Variants in PPP2R2B observed in about 807,000 individuals in gnomAD.
PPP2R2B encodes the protein serine/threonine-protein phosphatase 2A 55 kDa regulatory subunit B beta isoform.
A neutral mutation model predicts 46.0 loss-of-function variants in PPP2R2B; 5 were observed. The observed-to-expected ratio is 0.11, with a 90% confidence interval of 0.06 to 0.23. PPP2R2B has a LOEUF of 0.23. Among genes scored for constraint, PPP2R2B ranks in the 10% least tolerant of loss-of-function variants. The probability of loss-of-function intolerance (pLI) is 1.00; values close to 1 mark genes in which losing one functional copy is unlikely to be tolerated. For synonymous variants in PPP2R2B, 215 were observed against 206.7 expected (o/e 1.04, Z -0.34); for missense variants, 367 against 575.0 (o/e 0.64, Z 3.70).
intron 5 of PPP2R2B, among the ~76,000 whole-genome samples, chr5:146,681,510 A>G (rs1254586919): frequency 6.6e-6 from 1 of 152,202 alleles, no homozygotes; most frequent in Non-Finnish European, 1.5e-5. Context: ...CTTTCCCATT[A>G]CGCTTATAAT....
chr5:147,013,260 C>A (rs180833665), intron 1 of PPP2R2B, among the ~76,000 whole-genome samples: 16 of 107,948 alleles, frequency 1.5e-4, no homozygotes, highest in African/African-American at 4.5e-4. Flanking sequence ...GAAGAACATT[C>A]CATGCTCATG....
rs559414892 is a variant in PPP2R2B, at chr5:147,036,503, C to T, written c.79+19162G>A. 6.6e-5 allele frequency among the ~76,000 whole-genome samples: 10 copies of T among 152,186 alleles called. No individual in the cohort carries two copies. In the East Asian group the frequency reaches 1.5e-3, roughly 24 times the overall value. ...ACATGCATATATCTTTATAATAGAA[C>T]AATTTATATTCATTTGGGTATATAC... On this transcript the variant is annotated intron_variant, in intron 1 of 8. Coordinates refer to the PPP2R2B transcript ENST00000336640.
At chr5:146,916,671 C>T (rs1311732307) in intron 1 of PPP2R2B, among the ~76,000 whole-genome samples, 1 of 152,114 alleles carries the variant, frequency 6.6e-6, no homozygotes, top group East Asian at 1.9e-4. Context: ...CAAACAGTAG[C>T]TCCAGATTCT....
intron 7 of PPP2R2B, among the ~76,000 whole-genome samples, chr5:146,631,209 C>G (rs1376334528): frequency 6.6e-6 from 1 of 152,162 alleles, no homozygotes; most frequent in Non-Finnish European, 1.5e-5. Flanking sequence ...CTGTCTCCAC[C>G]CTGGAGGTAA....
At chr5:146,989,517 A>T (rs1753590371) in intron 1 of PPP2R2B, among the ~76,000 whole-genome samples, 1 of 152,134 alleles carries the variant, frequency 6.6e-6, no homozygotes, top group Non-Finnish European at 1.5e-5. Flanking sequence ...ATTTCAGTAG[A>T]TGCTGAAAAA....
At chr5:146,680,290 C>T (rs1244489281) in intron 5 of PPP2R2B, among the ~76,000 whole-genome samples, 2 of 146,896 alleles carry the variant, frequency 1.4e-5, no homozygotes, top group Admixed American at 7.0e-5. Flanking sequence ...TAAACTATCG[C>T]AAGAACAAAA....
At chr5:146,783,257 C>G (rs1240042275) in intron 2 of PPP2R2B, among the ~76,000 whole-genome samples, 1 of 152,016 alleles carries the variant, frequency 6.6e-6, no homozygotes, top group Non-Finnish European at 1.5e-5. Flanking sequence ...AATTTATGGC[C>G]CAGGTTACAC....
intron 2 of PPP2R2B, among the ~76,000 whole-genome samples, chr5:146,735,878 A>G (rs1338720413): frequency 6.6e-6 from 1 of 152,218 alleles, no homozygotes; most frequent in Non-Finnish European, 1.5e-5. Context: ...CATTCATTCA[A>G]CAAGTATTTA....
At chr5:146,913,956 T>C (rs1763282907) in intron 1 of PPP2R2B, among the ~76,000 whole-genome samples, 1 of 152,172 alleles carries the variant, frequency 6.6e-6, no homozygotes, top group Admixed American at 6.5e-5. Context: ...TTCAAATCTA[T>C]GAGGTTATAA....
intron 1 of PPP2R2B, among the ~76,000 whole-genome samples, chr5:146,939,335 A>G (rs1561530953): frequency 6.6e-6 from 1 of 152,302 alleles, no homozygotes; most frequent in East Asian, 1.9e-4. Context: ...TTTATGATGT[A>G]ATCTTAGTCT....
chr5:147,079,845 C>G (rs1226886613), intron 2 of PPP2R2B, among the ~76,000 whole-genome samples: 1 of 152,058 alleles, frequency 6.6e-6, no homozygotes, highest in Non-Finnish European at 1.5e-5. Context: ...TGAATCTTCT[C>G]ACCACAAATA....
intron 2 of PPP2R2B, among the ~76,000 whole-genome samples, chr5:146,813,290 T>A (rs1757742231): frequency 6.6e-6 from 1 of 151,928 alleles, no homozygotes; most frequent in Non-Finnish European, 1.5e-5. Context: ...CCAATTCAAC[T>A]TCTACACCAA....
intron 2 of PPP2R2B, among the ~76,000 whole-genome samples, chr5:147,074,841 A>G (rs944761582): frequency 6.6e-6 from 1 of 152,160 alleles, no homozygotes; most frequent in African/African-American, 2.4e-5. Context: ...TCGATAGAGT[A>G]CCTCATCCTT....
chr5:146,890,414 C>T (rs1191287825), intron 1 of PPP2R2B, among the ~76,000 whole-genome samples: 1 of 152,198 alleles, frequency 6.6e-6, no homozygotes, highest in Admixed American at 6.5e-5. Flanking sequence ...GTTTGCCACA[C>T]TCTCTTTCTT....
chr5:146,689,401 G>T (rs1352273612), intron 5 of PPP2R2B, among the ~76,000 whole-genome samples: 1 of 152,150 alleles, frequency 6.6e-6, no homozygotes, highest in Non-Finnish European at 1.5e-5. Flanking sequence ...TCTATGCTTA[G>T]ATATGTTTAT....
intron 2 of PPP2R2B, among the ~76,000 whole-genome samples, chr5:147,075,516 A>G (rs1757737261): frequency 6.6e-6 from 1 of 152,158 alleles, no homozygotes; most frequent in Admixed American, 6.6e-5. Flanking sequence ...TAAGACATAT[A>G]TATGACTCAT....
At chr5:146,608,471 T>G (rs1772517882) in intron 7 of PPP2R2B, among the ~76,000 whole-genome samples, 1 of 152,142 alleles carries the variant, frequency 6.6e-6, no homozygotes, top group South Asian at 2.1e-4. Context: ...TTTGCCTGGT[T>G]ATAAAAATGA....
At chr5:146,946,482 T>C (rs2915842) in intron 1 of PPP2R2B, among the ~76,000 whole-genome samples, 72,266 of 151,956 alleles carry the variant, frequency 0.48, 19,750 homozygotes, top group East Asian at 0.73. Context: ...CTTTTCTGAG[T>C]CCCAAGTCTG....
rs1473194680 is a variant in PPP2R2B, at chr5:146,673,967, T to A, written c.447+17161A>T. On this transcript the variant is annotated intron_variant, in intron 5 of 9. Coordinates refer to ENST00000394411, the MANE Select transcript of PPP2R2B (RefSeq NM_181675.4). ...CACTAAGAAGTCTTACATGTTGAGG[T>A]CAGTATGTCTTAGGCAAATAAACTC... Among the ~76,000 whole-genome samples, 3 of 152,196 alleles carry A rather than the reference T, an allele frequency of 2.0e-5. No homozygotes were observed. In the East Asian group the frequency reaches 5.8e-4, roughly 29 times the overall value.
Sources: gnomAD v4.1 joint callset for allele counts (sites outside exome capture counted in the v4.1 genomes callset) on GRCh38, gnomAD v4.1.1 for gene constraint, MANE v1.5 for transcripts, NCBI Gene and HGNC (gene_info 2026-07-23, HGNC 2026-07-21) for gene names.